PIP4K2A: variants seen among roughly 807,000 people sequenced by gnomAD.
PIP4K2A encodes the protein phosphatidylinositol 5-phosphate 4-kinase type-2 alpha.
PIP4K2A carries 14 observed loss-of-function variants against 42.9 expected under a neutral mutation model. The observed-to-expected ratio is 0.33, with a 90% CI of 0.22 to 0.51. The LOEUF (loss-of-function observed/expected upper bound fraction) is 0.51. PIP4K2A is among the 20% of genes least tolerant of loss of function. The pLI is 0.97. For missense variants in PIP4K2A, 434 were observed against 519.8 expected, an observed-to-expected ratio of 0.83 and a Z score of 1.61; for synonymous variants, 192 against 192.2, an observed-to-expected ratio of 1.00 and a Z score of 0.01.
intron 3 of PIP4K2A, among the ~76,000 whole-genome samples, chr10:22,596,607 T>C (rs1406805089): frequency 6.6e-6 from 1 of 152,230 alleles, no homozygotes; most frequent in Non-Finnish European, 1.5e-5. Flanking sequence ...CAGCATGATG[T>C]TGGATGCTTG....
intron 4 of PIP4K2A, among the ~76,000 whole-genome samples, chr10:22,577,506 G>C (rs147768624): frequency 6.6e-6 from 1 of 152,260 alleles, no homozygotes; most frequent in Non-Finnish European, 1.5e-5. Flanking sequence ...TCCAACATGA[G>C]TAGAAGCTTC....
chr10:22,544,246 G>A (rs1836204429), intron 7 of PIP4K2A, among the ~76,000 whole-genome samples: 1 of 151,980 alleles, frequency 6.6e-6, no homozygotes, highest in African/African-American at 2.4e-5. Context: ...TGTGGGCCTG[G>A]GGTTTCAGAA....
chr10:22,694,675 TAAG>T (rs1839935610), intron 1 of PIP4K2A: 1 of 152,222 alleles, frequency 6.6e-6, no homozygotes, highest in South Asian at 2.1e-4. Context: ...GATGAGGTTT[TAAG>T]AAGTGCAAGA....
chr10:22,592,912 C>T (rs72816845), intron 3 of PIP4K2A, among the ~76,000 whole-genome samples: 1,911 of 152,348 alleles, frequency 0.013, 24 homozygotes, highest in Middle Eastern at 0.065. Context: ...AGTGGGCATT[C>T]AAAGGCCTCA....
chr10:22,546,674 G>A (rs193181706), intron 7 of PIP4K2A, among the ~76,000 whole-genome samples: 40 of 152,262 alleles, frequency 2.6e-4, no homozygotes, highest in African/African-American at 9.6e-4. Context: ...GCCTCCCAAA[G>A]TGCTGGGATT....
intron 4 of PIP4K2A, among the ~76,000 whole-genome samples, chr10:22,588,117 G>A (rs1163988300): frequency 6.6e-6 from 1 of 152,176 alleles, no homozygotes; most frequent in Non-Finnish European, 1.5e-5. Flanking sequence ...GTATATGAGT[G>A]GCATGTCCAC....
At chr10:22,669,555 C>G (rs1290393194) in intron 1 of PIP4K2A, among the ~76,000 whole-genome samples, 1 of 152,238 alleles carries the variant, frequency 6.6e-6, no homozygotes, top group Non-Finnish European at 1.5e-5. Context: ...CTTCTCCCCA[C>G]TAAGTCCTCT....
chr10:22,576,803 C>T lies in PIP4K2A; in HGVS notation c.493-3346G>A, dbSNP rs545479131. 1.7e-4 allele frequency among the ~76,000 whole-genome samples: 26 copies of T among 152,246 alleles called. No homozygotes were observed. The East Asian group carries it at 3.3e-3, about 19-fold the overall frequency. On this transcript the variant is annotated intron_variant, in intron 4 of 9. Transcript: ENST00000376573. ...TATTCATTCATAGAGGCTGAGAATA[C>T]GGTGGCTCACACCTGTAATCCCAGC...
intron 1 of PIP4K2A, among the ~76,000 whole-genome samples, chr10:22,638,054 A>G (rs1004384318): frequency 2.6e-5 from 4 of 152,184 alleles, no homozygotes; most frequent in South Asian, 2.1e-4. Context: ...TTCCTCCTGA[A>G]CAGTCCCCCA....
At chr10:22,644,219 T>C (rs1268363189) in intron 1 of PIP4K2A, among the ~76,000 whole-genome samples, 1 of 151,862 alleles carries the variant, frequency 6.6e-6, no homozygotes, top group Non-Finnish European at 1.5e-5. Context: ...ACTCCCGGAG[T>C]TGACTCTGAC....
chr10:22,714,204 G>A lies in PIP4K2A; in HGVS notation c.123C>T (p.Leu41=). The A allele has an allele frequency of 6.2e-7, 1 of 1,611,480 alleles. No homozygotes were observed. Among genetic ancestry groups the A allele is most frequent in the African/African-American group, 1.3e-5 (1 of 74,760 alleles). ...TTACCGAGTGGTTTACCCCCCACAT[G>A]AGGACGCTGAGCAGCGGGTCGCTGG... ...FRASDPLLSV[L]MWGVNHSINE... is the part of the protein sequence containing the mutation. The change falls in exon 1 of 10, where the codon CTC becomes CTT. Residue 41 remains leucine, a synonymous_variant. Coordinates refer to ENST00000376573, the MANE Select transcript of PIP4K2A (RefSeq NM_005028.5).
At chr10:22,538,706 T>A (rs1438075902) in intron 9 of PIP4K2A, among the ~76,000 whole-genome samples, 1 of 151,800 alleles carries the variant, frequency 6.6e-6, no homozygotes, top group Admixed American at 6.6e-5. Context: ...GGAATGGGGG[T>A]GGTGCACCTG....
chr10:22,686,391 A>G, intron 1 of PIP4K2A, among the ~76,000 whole-genome samples: 1 of 152,214 alleles, frequency 6.6e-6, no homozygotes. Context: ...GTAGGCATCA[A>G]AAAGACTTTT....
chr10:22,579,648 G>A (rs1333416509), intron 4 of PIP4K2A, among the ~76,000 whole-genome samples: 4 of 152,148 alleles, frequency 2.6e-5, no homozygotes, highest in Non-Finnish European at 5.9e-5. Flanking sequence ...GCTCACGCAT[G>A]TAATCCCAGC....
rs139452755 is a variant in PIP4K2A at position 22,585,705 on chromosome 10, A to T, written c.492+5924T>A. ...AACTTCTGCCTCCTGAGTTCAAGGG[A>T]TTCTCATGCCTTAGCCTCCTGAGCA... On this transcript the variant is annotated intron_variant, in intron 4 of 9. Coordinates refer to ENST00000376573, the MANE Select transcript of PIP4K2A (RefSeq NM_005028.5). 2.0e-5 allele frequency among the ~76,000 whole-genome samples: 3 copies of T among 151,376 alleles called. No homozygotes were observed. In the East Asian group the frequency reaches 5.8e-4, roughly 29 times the overall value.
intron 4 of PIP4K2A, among the ~76,000 whole-genome samples, chr10:22,577,271 G>A (rs1230042162): frequency 2.0e-5 from 3 of 151,826 alleles, no homozygotes; most frequent in African/African-American, 7.3e-5. Flanking sequence ...CTTGACTTCC[G>A]GTAGCCCCAT....
At chr10:22,581,885 G>A (rs1003706623) in intron 4 of PIP4K2A, among the ~76,000 whole-genome samples, 1 of 152,124 alleles carries the variant, frequency 6.6e-6, no homozygotes. Flanking sequence ...GTTGAGGCAG[G>A]AGGATCGCTT....
chr10:22,714,314 C>T lies in PIP4K2A; in HGVS notation c.13G>A (p.Gly5Ser), dbSNP rs762394208. The T allele has an allele frequency of 2.4e-5, 38 of 1,604,752 alleles. No homozygotes were observed. In the South Asian group the frequency reaches 3.9e-4, roughly 16 times the overall value. The change falls in exon 1 of 10, where the codon GGC (glycine) becomes AGC (serine). Residue 5 changes from glycine (G) to serine (S), a missense_variant. Coordinates refer to ENST00000376573, the MANE Select transcript of PIP4K2A (RefSeq NM_005028.5). ...GCCAGGACAGAGGACCCTAGGTTGC[C>T]GGGGGTCGCCATGGCCGCCTCCTAT... is the stretch of plus-strand genomic sequence containing the variant. MATP[G>S]NLGSSVLASK...
At chr10:22,571,176 T>A (rs778915100) in intron 5 of PIP4K2A, among the ~76,000 whole-genome samples, 2 of 152,234 alleles carry the variant, frequency 1.3e-5, no homozygotes, top group Non-Finnish European at 2.9e-5. Flanking sequence ...ATCTTTTTCA[T>A]GAAACAACAC....
Sources: allele counts gnomAD v4.1 joint callset (sites outside exome capture counted in the v4.1 genomes callset), GRCh38; gene constraint gnomAD v4.1.1; transcripts MANE v1.5; gene names NCBI Gene and HGNC (gene_info 2026-07-23, HGNC 2026-07-21).